MAGI2: variants seen among roughly 807,000 people sequenced by gnomAD.
MAGI2 encodes membrane associated guanylate kinase, WW and PDZ domain containing 2, also known as membrane-associated guanylate kinase, WW and PDZ domain-containing protein 2.
In MAGI2, 35 loss-of-function variants were observed where a neutral mutation model predicts 133.3. That is an observed-to-expected ratio of 0.26 (90% CI 0.20 to 0.35). The LOEUF (loss-of-function observed/expected upper bound fraction) is 0.35, where lower values mean the gene tolerates loss of function less well. Ranked by LOEUF, MAGI2 falls within the 10% of genes least tolerant of loss-of-function variation. The probability of loss-of-function intolerance (pLI) is 1.00; values close to 1 mark genes in which losing one functional copy is unlikely to be tolerated. For missense variants in MAGI2, 1,636 were observed against 1,863.4 expected (o/e 0.88, Z 2.25); for synonymous variants, 729 against 710.6 (o/e 1.03, Z -0.41).
Position 78,056,596 on chromosome 7 carries a change from T to C in MAGI2, c.3706+22351A>G, listed in dbSNP as rs117942899. 1.7e-3 allele frequency among the ~76,000 whole-genome samples: 251 copies of C among 152,096 alleles called. 2 individuals carry two copies. The East Asian group carries it at 0.031, about 19-fold the overall frequency. On this transcript the variant is annotated intron_variant, in intron 21 of 21. Coordinates refer to ENST00000354212, the MANE Select transcript of MAGI2 (RefSeq NM_012301.4). ...AAAACCAAACACTGCATCTTCTCAC[T>C]ATAAATGGGAGCTGAATGGTGAGAA... is the stretch of plus-strand genomic sequence containing the variant.
At chr7:78,194,279 C>T (rs3779280) in intron 12 of MAGI2, among the ~76,000 whole-genome samples, 23,103 of 152,142 alleles carry the variant, frequency 0.15, 2,106 homozygotes, top group East Asian at 0.34. Flanking sequence ...TTTTAAAAGA[C>T]CTTCAGATAG....
intron 10 of MAGI2, among the ~76,000 whole-genome samples, chr7:78,210,860 G>A (rs1787701565): frequency 6.6e-6 from 1 of 152,176 alleles, no homozygotes; most frequent in South Asian, 2.1e-4. Flanking sequence ...TGACCTCAGT[G>A]GAAGCAGTTC....
chr7:79,319,960 G>A (rs1160623065), intron 1 of MAGI2, among the ~76,000 whole-genome samples: 1 of 152,024 alleles, frequency 6.6e-6, no homozygotes, highest in African/African-American at 2.4e-5. Flanking sequence ...TTTGCAAAGG[G>A]CATGACTGAC....
At chr7:78,465,585 G>T (rs1199098345) in intron 6 of MAGI2, among the ~76,000 whole-genome samples, 1 of 152,112 alleles carries the variant, frequency 6.6e-6, no homozygotes, top group African/African-American at 2.4e-5. Flanking sequence ...AAGTTATTTT[G>T]CCCAAAACTA....
rs144647668 is a variant in MAGI2, at chr7:78,579,918, C to T, written c.538+47202G>A. On this transcript the variant is annotated intron_variant, in intron 3 of 21. Transcript: ENST00000354212. ...ACTTGATTATGATATTTGACTGCAG[C>T]GACCAACTGCTCGTCTATTGATCTC... 9.9e-3 allele frequency among the ~76,000 whole-genome samples: 1,512 copies of T among 152,236 alleles called. 11 individuals are homozygous for T. The highest frequency in any genetic ancestry group is 0.016 in the Non-Finnish European group (1,092 of 68,012).
At chr7:79,334,453 C>T (rs1005047202) in intron 1 of MAGI2, among the ~76,000 whole-genome samples, 12 of 151,980 alleles carry the variant, frequency 7.9e-5, no homozygotes, top group African/African-American at 2.9e-4. Flanking sequence ...ATTAAAAGCC[C>T]CTGACTTTGA....
At chr7:79,296,569 A>G (rs1836946570) in intron 1 of MAGI2, among the ~76,000 whole-genome samples, 1 of 152,206 alleles carries the variant, frequency 6.6e-6, no homozygotes, top group Admixed American at 6.5e-5. Context: ...TATGTTAAGT[A>G]AAATAAGCCA....
At chr7:78,710,732 G>C (rs1003973658) in intron 2 of MAGI2, among the ~76,000 whole-genome samples, 3 of 152,062 alleles carry the variant, frequency 2.0e-5, no homozygotes, top group African/African-American at 4.8e-5. Context: ...TGCAGTTCTT[G>C]AAAGTCAAAA....
chr7:79,411,236 G>C (rs575781261), intron 1 of MAGI2: 4 of 145,880 alleles, frequency 2.7e-5, no homozygotes, highest in East Asian at 4.1e-4. Context: ...AAGACGTCTA[G>C]GTCTTAATCT....
chr7:78,763,947 G>A (rs1824763394), intron 2 of MAGI2, among the ~76,000 whole-genome samples: 1 of 151,802 alleles, frequency 6.6e-6, no homozygotes, highest in Admixed American at 6.6e-5. Flanking sequence ...TTCTTTTCAG[G>A]GTTCTCAACA....
At chr7:78,798,801 T>C (rs1192457091) in intron 2 of MAGI2, among the ~76,000 whole-genome samples, 1 of 152,194 alleles carries the variant, frequency 6.6e-6, no homozygotes, top group African/African-American at 2.4e-5. Context: ...GAGCTCAAGT[T>C]GCTCATTTGT....
intron 1 of MAGI2, among the ~76,000 whole-genome samples, chr7:79,447,254 A>G (rs1848919100): frequency 6.6e-6 from 1 of 152,172 alleles, no homozygotes; most frequent in Non-Finnish European, 1.5e-5. Flanking sequence ...TTAACAATGT[A>G]AATTCAGCAA....
chr7:78,117,984 G>A (rs1226708861), intron 20 of MAGI2, among the ~76,000 whole-genome samples: 1 of 152,192 alleles, frequency 6.6e-6, no homozygotes, highest in East Asian at 1.9e-4. Context: ...TCAGGACAGT[G>A]TGGTATTGGT....
At chr7:78,882,120 C>CAAAAG (rs1795922144) in intron 2 of MAGI2, among the ~76,000 whole-genome samples, 2 of 58,996 alleles carry the variant, frequency 3.4e-5, no homozygotes, top group Non-Finnish European at 6.6e-5. Flanking sequence ...AAAAGAAAAA[C>CAAAAG]AAAAAAAAAA....
At chr7:79,294,154 G>C (rs958762113) in intron 1 of MAGI2, among the ~76,000 whole-genome samples, 7 of 149,468 alleles carry the variant, frequency 4.7e-5, no homozygotes, top group Non-Finnish European at 8.9e-5. Context: ...TTCCAGCCCG[G>C]GCAACAGAGT....
intron 20 of MAGI2, among the ~76,000 whole-genome samples, chr7:78,093,892 C>A (rs578176019): frequency 6.6e-6 from 1 of 152,134 alleles, no homozygotes; most frequent in Non-Finnish European, 1.5e-5. Flanking sequence ...TGGTTTTATG[C>A]CAGGTACTTT....
At chr7:78,136,482 T>G (rs920333026) in intron 16 of MAGI2, among the ~76,000 whole-genome samples, 2 of 152,208 alleles carry the variant, frequency 1.3e-5, no homozygotes, top group Admixed American at 6.5e-5. Context: ...AATACAGATT[T>G]TTCCTAGAAG....
chr7:78,945,905 C>A (rs1004232022), intron 2 of MAGI2, among the ~76,000 whole-genome samples: 2 of 152,154 alleles, frequency 1.3e-5, no homozygotes, highest in African/African-American at 4.8e-5. Flanking sequence ...CAGAGATAGT[C>A]CTGCTTCTGC....
At chr7:79,412,853 G>T (rs370669313) in intron 1 of MAGI2, 1 of 152,242 alleles carries the variant, frequency 6.6e-6, no homozygotes, top group African/African-American at 2.4e-5. Flanking sequence ...TACCCTTCAG[G>T]TGTGTGGCCC....
Sources: allele counts gnomAD v4.1 joint callset (sites outside exome capture counted in the v4.1 genomes callset), GRCh38; gene constraint gnomAD v4.1.1; transcripts MANE v1.5; gene names NCBI Gene and HGNC (gene_info 2026-07-23, HGNC 2026-07-21).